The following SINHCAF variants were observed in gnomAD, a reference collection of about 807,000 sequenced individuals.
SINHCAF encodes the protein SIN3-HDAC complex associated factor, also known as SIN3-HDAC complex-associated factor.
Under a neutral mutation model 25.8 loss-of-function variants are expected in SINHCAF, and 3 were observed. That is an observed-to-expected ratio of 0.12 (90% CI 0.05 to 0.30). SINHCAF has a LOEUF of 0.30. Among genes scored for constraint, SINHCAF ranks in the 10% least tolerant of loss-of-function variants. The pLI, the probability that SINHCAF is intolerant of heterozygous loss-of-function variation, is 1.00. For missense variants in SINHCAF, 121 were observed against 262.3 expected, an observed-to-expected ratio of 0.46 and a Z score of 3.72; for synonymous variants, 70 against 85.5, an observed-to-expected ratio of 0.82 and a Z score of 1.00.
chr12:31,309,816 C>G (rs1377206037), intron 1 of SINHCAF, among the ~76,000 whole-genome samples: 2 of 152,134 alleles, frequency 1.3e-5, no homozygotes, highest in East Asian at 3.9e-4. Context: ...CAGGAATGCA[C>G]CACCACGCTC....
intron 1 of SINHCAF, among the ~76,000 whole-genome samples, chr12:31,308,659 C>T (rs946171684): frequency 5.9e-5 from 9 of 152,052 alleles, no homozygotes; most frequent in African/African-American, 1.7e-4. Context: ...GAGAGAAGTC[C>T]GAGTCTGCTA....
At chr12:31,285,418 T>TATACACACACAC (rs1555110957) in intron 5 of SINHCAF, among the ~76,000 whole-genome samples, 47 of 141,446 alleles carry the variant, frequency 3.3e-4, no homozygotes, top group East Asian at 2.9e-3. Context: ...TATATATACA[T>TATACACACACAC]ACACACACAC....
At chr12:31,306,607 C>A (rs139970816) in intron 1 of SINHCAF, among the ~76,000 whole-genome samples, 3 of 152,138 alleles carry the variant, frequency 2.0e-5, no homozygotes, top group African/African-American at 7.2e-5. Flanking sequence ...TTCCAAGGAT[C>A]GGACTGGTGT....
intron 1 of SINHCAF, among the ~76,000 whole-genome samples, chr12:31,301,813 GAAACCAAGTTACTTTAT>G (rs1269950301): frequency 6.6e-6 from 1 of 151,970 alleles, no homozygotes; most frequent in Non-Finnish European, 1.5e-5. Context: ...AATGGTCTCT[GAAACCAAGTTACTTTAT>G]ATATTTAACA....
intron 1 of SINHCAF, among the ~76,000 whole-genome samples, chr12:31,310,890 TGA>T (rs1381454996): frequency 6.7e-6 from 1 of 149,398 alleles, no homozygotes; most frequent in Non-Finnish European, 1.5e-5. Context: ...TTTTTTTTCC[TGA>T]GAGAGTCTCA....
chr12:31,313,637 GTTT>G (rs1939371759), intron 1 of SINHCAF, among the ~76,000 whole-genome samples: 1 of 151,650 alleles, frequency 6.6e-6, no homozygotes, highest in Admixed American at 6.6e-5. Context: ...GTAATTAAAT[GTTT>G]TTTTGTTTGT....
At chr12:31,285,414 T>TATAC (rs1366908542) in intron 5 of SINHCAF, among the ~76,000 whole-genome samples, 1 of 43,916 alleles carries the variant, frequency 2.3e-5, no homozygotes, top group African/African-American at 7.2e-5. Context: ...TTTATATATA[T>TATAC]ACATACACAC....
At chr12:31,311,847 G>A (rs920705508) in intron 1 of SINHCAF, 20 of 479,096 alleles carry the variant, frequency 4.2e-5, no homozygotes, top group South Asian at 1.6e-4. Context: ...TTGTCCCAGC[G>A]TTGATGATGC....
chr12:31,291,032 T>A (rs2137078805), intron 4 of SINHCAF, among the ~76,000 whole-genome samples: 1 of 152,308 alleles, frequency 6.6e-6, no homozygotes, highest in South Asian at 2.1e-4. Flanking sequence ...ACTGCAATTT[T>A]AAGTCTTAAA....
At position 31,296,927 on chromosome 12, in the gene SINHCAF, C is replaced by T. The variant is rs1050938692; in HGVS notation, c.128+1150G>A. ...GTGCACACCTGTAGTCCCAGCTACT[C>T]GAGAGGCTCAGACGGGAGGATCACT... On this transcript the variant is annotated intron_variant, in intron 2 of 5. Transcript: ENST00000337682. 29 of 396,812 alleles carry T rather than the reference C, an allele frequency of 7.3e-5. No homozygotes were observed. In the Admixed American group the frequency reaches 8.5e-4, roughly 12 times the overall value. The allele number at this position is 396,812 out of a possible 1,614,324, so 24.6% of individuals were successfully genotyped here.
chr12:31,303,149 T>C (rs1938875743), intron 1 of SINHCAF: 10 of 985,432 alleles, frequency 1.0e-5, no homozygotes, highest in Middle Eastern at 5.2e-4. Context: ...CTAACTGACA[T>C]AGCTGCCTTT....
intron 1 of SINHCAF, among the ~76,000 whole-genome samples, chr12:31,299,075 G>A (rs1356582552): frequency 6.6e-6 from 1 of 151,852 alleles, no homozygotes; most frequent in Admixed American, 6.6e-5. Context: ...AGGAAGGAAT[G>A]AAAACAGCTC....
chr12:31,287,094 T>C (rs1376648372), intron 5 of SINHCAF, among the ~76,000 whole-genome samples: 3 of 152,214 alleles, frequency 2.0e-5, no homozygotes, highest in Admixed American at 6.5e-5. Flanking sequence ...AATCAATTTA[T>C]TATGAGATTA....
chr12:31,284,275 CTTTG>C (rs1307567184), intron 5 of SINHCAF, among the ~76,000 whole-genome samples: 10 of 152,004 alleles, frequency 6.6e-5, no homozygotes, highest in Admixed American at 6.6e-4. Context: ...TGAAATTTTA[CTTTG>C]TATTTCCTTG....
intron 5 of SINHCAF, among the ~76,000 whole-genome samples, chr12:31,285,657 C>T (rs1411367203): frequency 6.6e-6 from 1 of 151,990 alleles, no homozygotes; most frequent in Non-Finnish European, 1.5e-5. Flanking sequence ...TGTGTTTTCA[C>T]ATAATGCTTC....
At chr12:31,291,385 T>C (rs1938309396) in intron 4 of SINHCAF, among the ~76,000 whole-genome samples, 1 of 152,340 alleles carries the variant, frequency 6.6e-6, no homozygotes, top group East Asian at 1.9e-4. Flanking sequence ...AGTTACACAT[T>C]TGCTAGTGAC....
chr12:31,305,554 C>T (rs1416919797), intron 1 of SINHCAF, among the ~76,000 whole-genome samples: 4 of 152,094 alleles, frequency 2.6e-5, no homozygotes, highest in African/African-American at 9.7e-5. Flanking sequence ...ATAAATTTAG[C>T]CAGTTGTGTT....
intron 4 of SINHCAF, among the ~76,000 whole-genome samples, chr12:31,291,426 C>T (rs1379452449): frequency 6.6e-6 from 1 of 152,166 alleles, no homozygotes; most frequent in Non-Finnish European, 1.5e-5. Context: ...AGATCTGTAA[C>T]TCTAGGTCCA....
chr12:31,295,353 A>G lies in SINHCAF; in HGVS notation c.129-20T>C. On this transcript the variant is annotated intron_variant, in intron 2 of 5. Transcript: ENST00000337682. ...TGCAATCTGATAAGAAAACAATCAA[A>G]CCTTTATCAGTCTCCCTTACCTTAA... 6.6e-7 allele frequency: 1 copy of G among 1,504,902 alleles called. No homozygotes were observed. The highest frequency in any genetic ancestry group is 9.2e-7 in the Non-Finnish European group (1 of 1,084,958). The allele number at this position is 1,504,902 out of a possible 1,614,324, so 93.2% of individuals were successfully genotyped here. A position where few individuals can be genotyped will look rare whatever the true frequency, so the allele number is the denominator to read the frequency against.
Sources: allele counts gnomAD v4.1 joint callset (sites outside exome capture counted in the v4.1 genomes callset), GRCh38; gene constraint gnomAD v4.1.1; transcripts MANE v1.5; gene names NCBI Gene and HGNC (gene_info 2026-07-23, HGNC 2026-07-21).